Variants in ZEB1 observed in about 807,000 individuals in gnomAD.
The protein encoded by ZEB1 is zinc finger E-box binding homeobox 1, also known as zinc finger E-box-binding homeobox 1.
In ZEB1, 21 loss-of-function variants were observed where a neutral mutation model predicts 84.9. The observed-to-expected ratio is 0.25, with a 90% CI of 0.18 to 0.36. The LOEUF is 0.36. ZEB1 is among the 10% of genes least tolerant of loss of function. The probability of loss-of-function intolerance (pLI) is 1.00; values close to 1 mark genes in which losing one functional copy is unlikely to be tolerated. For missense variants in ZEB1, 1,104 were observed against 1,330.2 expected, an observed-to-expected ratio of 0.83 and a Z score of 2.65; for synonymous variants, 420 against 471.1, an observed-to-expected ratio of 0.89 and a Z score of 1.41.
intron 2 of ZEB1, among the ~76,000 whole-genome samples, chr10:31,466,640 G>A (rs1368675699): frequency 6.6e-6 from 1 of 152,112 alleles, no homozygotes; most frequent in Non-Finnish European, 1.5e-5. Flanking sequence ...AGCAATAAAT[G>A]CCTACATTAA....
chr10:31,321,481 G>T (rs1242288576), intron 1 of ZEB1: 7 of 1,613,900 alleles, frequency 4.3e-6, no homozygotes, highest in Non-Finnish European at 5.9e-6. Flanking sequence ...GTCAAATAGT[G>T]TGTGTTCCAT....
In ZEB1 at chr10:31,420,844, A is replaced by C. The variant is rs112118244; in HGVS notation, c.59-40193A>C. Among the ~76,000 whole-genome samples, 105 of 152,182 alleles carry C rather than the reference A, an allele frequency of 6.9e-4. 2 individuals are homozygous for C. The highest frequency in any genetic ancestry group is 2.5e-3 in the African/African-American group (102 of 41,528). ...AACAAGTGATGCTTGTCTCAGTCTC[A>C]TTATATCTTTGATGACTTCTTCACC... is the stretch of plus-strand genomic sequence containing the variant. On this transcript the variant is annotated intron_variant, in intron 1 of 8. Coordinates refer to ENST00000424869, the MANE Select transcript of ZEB1 (RefSeq NM_001174096.2).
chr10:31,475,748 C>T (rs750029458), intron 2 of ZEB1, among the ~76,000 whole-genome samples: 1 of 152,048 alleles, frequency 6.6e-6, no homozygotes, highest in Non-Finnish European at 1.5e-5. Context: ...AGAGAGAATT[C>T]ATCACCACTA....
chr10:31,331,077 C>CTTTTTTTTTTTTTTTTTTTTTTTTT (rs1238584690), intron 1 of ZEB1, among the ~76,000 whole-genome samples: 3 of 89,064 alleles, frequency 3.4e-5, no homozygotes, highest in African/African-American at 1.6e-4. Context: ...TTTTTTCTTT[C>CTTTTTTTTTTTTTTTTTTTTTTTTT]TTTCTTTTTT....
chr10:31,447,482 G>GT (rs1188145773), intron 1 of ZEB1, among the ~76,000 whole-genome samples: 1 of 129,192 alleles, frequency 7.7e-6, no homozygotes, highest in African/African-American at 3.0e-5. Flanking sequence ...GATTTTGCTC[G>GT]TTAGTTCATG....
At chr10:31,341,788 A>G (rs2039418366) in intron 1 of ZEB1, among the ~76,000 whole-genome samples, 4 of 152,204 alleles carry the variant, frequency 2.6e-5, no homozygotes, top group African/African-American at 7.2e-5. Flanking sequence ...AAAAAAATGA[A>G]ATAATCAGTG....
At chr10:31,406,763 G>C (rs1357128937) in intron 1 of ZEB1, among the ~76,000 whole-genome samples, 1 of 152,104 alleles carries the variant, frequency 6.6e-6, no homozygotes, top group Non-Finnish European at 1.5e-5. Context: ...TGAAGTGTTT[G>C]CTCATGTCTG....
intron 1 of ZEB1, among the ~76,000 whole-genome samples, chr10:31,429,801 T>A (rs2057481971): frequency 7.4e-6 from 1 of 134,550 alleles, no homozygotes; most frequent in Admixed American, 8.4e-5. Flanking sequence ...TGGAGTGCAA[T>A]GGCATAATCT....
chr10:31,501,515 C>T lies in ZEB1; in HGVS notation c.323-833C>T, dbSNP rs149893926. Reference sequence around the variant, plus strand: ...ATACCCTTTGATGCTTATTAGAAATCCTTCTTACTATAGATAATTATTAAA... The same window carrying T: ...ATACCCTTTGATGCTTATTAGAAATTCTTCTTACTATAGATAATTATTAAA... On this transcript the variant is annotated intron_variant, in intron 3 of 8. Transcript: ENST00000424869. 4.5e-4 allele frequency among the ~76,000 whole-genome samples: 68 copies of T among 152,232 alleles called. No homozygotes were observed. In the East Asian group the frequency reaches 0.011, roughly 25 times the overall value.
At chr10:31,319,142 G>GGGAGGGGGGAGGGGTGGAGGC (rs1273795089), upstream of ZEB1, 12 of 842,216 alleles carry the variant, frequency 1.4e-5, no homozygotes, top group Admixed American at 2.1e-5. Flanking sequence ...AGGTGCGGTG[G>GGGAGGGGGGAGGGGTGGAGGC]GGAGGGGGGA....
chr10:31,387,643 A>G (rs2048863152), intron 1 of ZEB1: 1 of 606,246 alleles, frequency 1.6e-6, no homozygotes, highest in African/African-American at 2.0e-5. Flanking sequence ...GTGACATAAT[A>G]GCTTCAGTTG....
intron 1 of ZEB1, among the ~76,000 whole-genome samples, chr10:31,361,700 TC>T: frequency 6.6e-6 from 1 of 151,352 alleles, no homozygotes; most frequent in African/African-American, 2.4e-5. Context: ...GCAGGGGCGC[TC>T]CTCACTTCCC....
intron 1 of ZEB1, among the ~76,000 whole-genome samples, chr10:31,421,731 G>T (rs567089939): frequency 7.9e-5 from 12 of 152,016 alleles, no homozygotes; most frequent in Non-Finnish European, 1.0e-4. Flanking sequence ...TCTCTACCTG[G>T]ATTGAAGTTG....
chr10:31,362,058 G>T (rs532856886), intron 1 of ZEB1, among the ~76,000 whole-genome samples: 1 of 144,188 alleles, frequency 6.9e-6, no homozygotes, highest in African/African-American at 2.6e-5. Flanking sequence ...GGGCAGAGGC[G>T]CTCCTCATTT....
chr10:31,401,602 C>T (rs747215988), intron 1 of ZEB1, among the ~76,000 whole-genome samples: 2 of 152,106 alleles, frequency 1.3e-5, no homozygotes, highest in Non-Finnish European at 2.9e-5. Context: ...CATGCATAAG[C>T]AAAGGTGACA....
chr10:31,523,227 G>C (rs2072752654), intron 7 of ZEB1, among the ~76,000 whole-genome samples: 1 of 152,228 alleles, frequency 6.6e-6, no homozygotes, highest in Admixed American at 6.5e-5. Context: ...GCTCCCTGCA[G>C]GGTTATTTGG....
intron 1 of ZEB1, among the ~76,000 whole-genome samples, chr10:31,341,641 T>C (rs1331227750): frequency 6.6e-6 from 1 of 151,862 alleles, no homozygotes; most frequent in Non-Finnish European, 1.5e-5. Context: ...CAGGAGGTGA[T>C]TGAAAGCATA....
intron 1 of ZEB1, among the ~76,000 whole-genome samples, chr10:31,389,030 A>G (rs1475890165): frequency 6.6e-6 from 1 of 152,132 alleles, no homozygotes; most frequent in Non-Finnish European, 1.5e-5. Flanking sequence ...AACATACTTT[A>G]GAAAAGAAAA....
chr10:31,326,577 AT>A (rs1053768285), intron 1 of ZEB1, among the ~76,000 whole-genome samples: 3 of 152,220 alleles, frequency 2.0e-5, no homozygotes, highest in African/African-American at 7.2e-5. Flanking sequence ...AGTCAAAGAG[AT>A]AAGATGACTT....
Sources: gnomAD v4.1 joint callset for allele counts (sites outside exome capture counted in the v4.1 genomes callset) on GRCh38, gnomAD v4.1.1 for gene constraint, MANE v1.5 for transcripts, NCBI Gene and HGNC (gene_info 2026-07-23, HGNC 2026-07-21) for gene names.